Variants in MAD1L1 observed in about 807,000 individuals in gnomAD.
MAD1L1 encodes the protein mitotic arrest deficient 1 like 1, also known as mitotic spindle assembly checkpoint protein MAD1.
A neutral mutation model predicts 96.9 loss-of-function variants in MAD1L1; 95 were observed. The ratio of observed to expected loss-of-function variants is 0.98; its 90% CI spans 0.83 to 1.16. The LOEUF is 1.16. MAD1L1 is among the 50% of genes most tolerant of loss of function. The pLI, the probability that MAD1L1 is intolerant of heterozygous loss-of-function variation, is 0.00. For synonymous variants in MAD1L1, 473 were observed against 396.6 expected (o/e 1.19, Z -2.29); for missense variants, 1,007 against 954.4 (o/e 1.06, Z -0.73).
chr7:2,047,853 ACACGTGCACTCACGTG>A (rs1783994949), intron 12 of MAD1L1, among the ~76,000 whole-genome samples: 1 of 152,200 alleles, frequency 6.6e-6, no homozygotes, highest in African/African-American at 2.4e-5. Context: ...GCACAATCAC[ACACGTGCACTCACGTG>A]CACACAGCTC....
chr7:2,217,907 G>C, intron 7 of MAD1L1, 55 bp downstream of exon 7: 2 of 1,458,566 alleles, frequency 1.4e-6, no homozygotes, highest in South Asian at 1.1e-5. Context: ...ACAGGGGCAG[G>C]AGAGTCAAGG....
chr7:2,215,951 CA>C lies in MAD1L1; in HGVS notation c.857del (p.Leu286ArgfsTer41). On this transcript the variant is annotated frameshift_variant, in exon 9 of 19. Coordinates refer to ENST00000265854, the MANE Select transcript of MAD1L1 (RefSeq NM_001013836.2). LOFTEE classifies it high-confidence loss of function. ...NGLLQEELEG[L>X]QRKLGRQEKM... ...TCTCCTGGCGCCCCAGCTTCCTCTG[CA>C]GCCCTTCCAGCTCTTCCTGGAGCAG... The C allele has an allele frequency of 6.2e-7, 1 of 1,614,212 alleles. No individual in the cohort carries two copies. Among genetic ancestry groups the C allele is most frequent in the Non-Finnish European group, 8.5e-7 (1 of 1,180,038 alleles).
At chr7:1,858,644 A>T (rs1784375477) in intron 18 of MAD1L1, among the ~76,000 whole-genome samples, 1 of 152,202 alleles carries the variant, frequency 6.6e-6, no homozygotes, top group Non-Finnish European at 1.5e-5. Context: ...CCCACGCCAC[A>T]GTGCAGGGCA....
intron 10 of MAD1L1, among the ~76,000 whole-genome samples, chr7:2,160,833 T>C (rs1321036072): frequency 3.9e-5 from 6 of 152,242 alleles, no homozygotes; most frequent in South Asian, 4.1e-4. Flanking sequence ...GAAAATACAA[T>C]AGCTGTTCAA....
intron 10 of MAD1L1, among the ~76,000 whole-genome samples, chr7:2,156,092 C>T (rs1418187815): frequency 6.6e-6 from 1 of 151,972 alleles, no homozygotes; most frequent in Non-Finnish European, 1.5e-5. Flanking sequence ...GGACAGTGGG[C>T]GCATGGTTTC....
At position 1,948,404 on chromosome 7, in the gene MAD1L1, A is replaced by C. The variant is rs540371838; in HGVS notation, c.1596+9225T>G. Among the ~76,000 whole-genome samples the C allele has an allele frequency of 3.2e-4, 48 of 151,950 alleles. 1 individual carries two copies. The South Asian group carries it at 3.7e-3, about 12-fold the overall frequency. ...CTAAGCGAGGGTTCACCAGGGCCTGAGGGAGGGGCCGCAGCTTTCCCCAGC... is the reference window on the plus strand; with the variant it reads ...CTAAGCGAGGGTTCACCAGGGCCTGCGGGAGGGGCCGCAGCTTTCCCCAGC... On this transcript the variant is annotated intron_variant, in intron 16 of 18. Transcript: ENST00000265854.
intron 18 of MAD1L1, among the ~76,000 whole-genome samples, chr7:1,864,615 C>A (rs73046359): frequency 0.029 from 4,481 of 152,334 alleles, 140 homozygotes; most frequent in Admixed American, 0.076. Flanking sequence ...GGTGCCCTTC[C>A]CCCATGCGGG....
chr7:1,858,001 C>T lies in MAD1L1; in HGVS notation c.1998+40199G>A, dbSNP rs548596441. Among the ~76,000 whole-genome samples the T allele has an allele frequency of 2.2e-4, 34 of 152,344 alleles. 1 individual carries two copies. Among genetic ancestry groups the T allele is most frequent in the African/African-American group, 5.5e-4 (23 of 41,586 alleles). Reference sequence around the variant, plus strand: ...ACGCTGGCAACCGCTGTCCACAGAGCCCGAACTTTCCTCCCTGCCTGTATT... The same window carrying T: ...ACGCTGGCAACCGCTGTCCACAGAGTCCGAACTTTCCTCCCTGCCTGTATT... On this transcript the variant is annotated intron_variant, in intron 18 of 18. Transcript: ENST00000265854.
intron 18 of MAD1L1, among the ~76,000 whole-genome samples, chr7:1,825,703 G>A (rs944913834): frequency 1.3e-5 from 2 of 152,250 alleles, no homozygotes; most frequent in Non-Finnish European, 2.9e-5. Flanking sequence ...CACGGCCAGG[G>A]CTGCCCTCCC....
intron 10 of MAD1L1, among the ~76,000 whole-genome samples, chr7:2,165,230 T>C (rs907230260): frequency 1.4e-5 from 2 of 146,040 alleles, no homozygotes; most frequent in African/African-American, 5.1e-5. Context: ...AGAAAAAAAA[T>C]AGAAAGGGAA....
chr7:1,944,534 C>A (rs1202974123), intron 16 of MAD1L1, among the ~76,000 whole-genome samples: 1 of 152,154 alleles, frequency 6.6e-6, no homozygotes, highest in Non-Finnish European at 1.5e-5. Flanking sequence ...AGGACAAGGG[C>A]TGAGAGGGGC....
At chr7:2,203,485 T>C (rs73291503) in intron 10 of MAD1L1, among the ~76,000 whole-genome samples, 2,729 of 152,250 alleles carry the variant, frequency 0.018, 86 homozygotes, top group African/African-American at 0.062. Context: ...CAAACGCACA[T>C]CTCTTTTGAA....
At chr7:1,960,328 A>G (rs1245767909) in intron 15 of MAD1L1, among the ~76,000 whole-genome samples, 1 of 152,194 alleles carries the variant, frequency 6.6e-6, no homozygotes, top group Admixed American at 6.5e-5. Flanking sequence ...AAAACTAATT[A>G]TATCATAAAC....
intron 15 of MAD1L1, among the ~76,000 whole-genome samples, chr7:1,969,657 A>G (rs1232066965): frequency 6.6e-6 from 1 of 152,268 alleles, no homozygotes; most frequent in Non-Finnish European, 1.5e-5. Context: ...TCAATAAACA[A>G]AATCAGCAAA....
chr7:2,199,801 C>T (rs772447251), intron 10 of MAD1L1, among the ~76,000 whole-genome samples: 1 of 152,232 alleles, frequency 6.6e-6, no homozygotes, highest in Non-Finnish European at 1.5e-5. Context: ...GCGGTAAGGC[C>T]ACAACCCAAC....
chr7:1,874,201 G>A (rs1785255919), intron 18 of MAD1L1, among the ~76,000 whole-genome samples: 2 of 152,182 alleles, frequency 1.3e-5, no homozygotes, highest in Non-Finnish European at 2.9e-5. Context: ...CAGCGAGGCC[G>A]TCTCGGTGCA....
chr7:2,191,670 G>A (rs1410329156), intron 10 of MAD1L1, among the ~76,000 whole-genome samples: 1 of 152,098 alleles, frequency 6.6e-6, no homozygotes, highest in African/African-American at 2.4e-5. Flanking sequence ...GGCAGAGACT[G>A]CAGTAAGCCA....
At chr7:1,879,403 C>T (rs951831169) in intron 18 of MAD1L1, among the ~76,000 whole-genome samples, 3 of 149,908 alleles carry the variant, frequency 2.0e-5, no homozygotes, top group Admixed American at 6.7e-5. Context: ...TGCAGTGAGC[C>T]GAGATCACTC....
chr7:2,043,007 T>C (rs1381664367), intron 12 of MAD1L1, among the ~76,000 whole-genome samples: 1 of 152,118 alleles, frequency 6.6e-6, no homozygotes, highest in Non-Finnish European at 1.5e-5. Context: ...CCAAGAAGGA[T>C]GGGCTTCTGG....
Sources: gnomAD v4.1 joint callset for allele counts (sites outside exome capture counted in the v4.1 genomes callset) on GRCh38, gnomAD v4.1.1 for gene constraint, MANE v1.5 for transcripts, NCBI Gene and HGNC (gene_info 2026-07-23, HGNC 2026-07-21) for gene names.